The following FER variants were observed in gnomAD, a reference collection of about 807,000 sequenced individuals.
The protein encoded by FER is tyrosine-protein kinase Fer.
A neutral mutation model predicts 111.0 loss-of-function variants in FER; 63 were observed. That is an observed-to-expected ratio of 0.57 (90% CI 0.46 to 0.70). The LOEUF (loss-of-function observed/expected upper bound fraction) is 0.70. Among genes scored for constraint, FER ranks in the 30% least tolerant of loss-of-function variants. The pLI is 0.00. For synonymous variants in FER, 327 were observed against 313.9 expected, an observed-to-expected ratio of 1.04 and a Z score of -0.44; for missense variants, 914 against 954.0, an observed-to-expected ratio of 0.96 and a Z score of 0.55.
chr5:108,755,554 C>T (rs370018579), intron 1 of FER, among the ~76,000 whole-genome samples: 134 of 152,200 alleles, frequency 8.8e-4, no homozygotes, highest in Middle Eastern at 3.4e-3. Context: ...GGCACAATCT[C>T]GGCTCACCGC....
chr5:108,994,843 T>G lies in FER; in HGVS notation c.1656+35496T>G, dbSNP rs1193204020. On this transcript the variant is annotated intron_variant, in intron 13 of 19. Coordinates refer to ENST00000281092, the MANE Select transcript of FER (RefSeq NM_005246.4). ...TCCTTCACTTCCCTTGTTAGCTGTA[T>G]GCCTAGGTATTTTATTCTCTTTGTA... 2.0e-5 allele frequency among the ~76,000 whole-genome samples: 3 copies of G among 152,326 alleles called. No homozygotes were observed. The South Asian group carries it at 6.2e-4, about 32-fold the overall frequency.
At chr5:108,923,819 A>T (rs1224420246) in intron 10 of FER, among the ~76,000 whole-genome samples, 2 of 152,140 alleles carry the variant, frequency 1.3e-5, no homozygotes, top group Non-Finnish European at 2.9e-5. Context: ...CACATAATTT[A>T]TATTCTTTTC....
At chr5:108,920,240 T>TTC (rs1056996535) in intron 10 of FER, among the ~76,000 whole-genome samples, 7 of 152,282 alleles carry the variant, frequency 4.6e-5, no homozygotes, top group Admixed American at 3.9e-4. Flanking sequence ...TGTGAAGGCC[T>TTC]TCTTTTTTAA....
intron 17 of FER, among the ~76,000 whole-genome samples, chr5:109,117,486 A>G (rs948954450): frequency 6.6e-6 from 1 of 152,138 alleles, no homozygotes; most frequent in Non-Finnish European, 1.5e-5. Context: ...TAAGATTTGT[A>G]TGCCTAAATT....
intron 5 of FER, among the ~76,000 whole-genome samples, chr5:108,854,653 G>A (rs746296506): frequency 2.0e-5 from 3 of 152,104 alleles, no homozygotes; most frequent in East Asian, 1.9e-4. Flanking sequence ...AAAGTAGAGC[G>A]GGCTGGACGT....
chr5:108,843,584 C>T (rs960855453), intron 5 of FER, among the ~76,000 whole-genome samples: 1 of 147,508 alleles, frequency 6.8e-6, no homozygotes, highest in Non-Finnish European at 1.5e-5. Flanking sequence ...GGCTGGAGTG[C>T]AGTGGTGTGA....
intron 2 of FER, among the ~76,000 whole-genome samples, chr5:108,775,945 A>G (rs1580461402): frequency 6.6e-6 from 1 of 152,072 alleles, no homozygotes; most frequent in African/African-American, 2.4e-5. Context: ...CTTTGTTTCT[A>G]TCTTGCTGTG....
intron 10 of FER, among the ~76,000 whole-genome samples, chr5:108,937,399 G>A (rs891994200): frequency 1.1e-4 from 16 of 151,990 alleles, no homozygotes; most frequent in African/African-American, 3.1e-4. Flanking sequence ...TCACACGGAT[G>A]TTTCAACATT....
intron 13 of FER, among the ~76,000 whole-genome samples, chr5:109,027,481 G>GCATT (rs1768919876): frequency 6.6e-6 from 1 of 152,054 alleles, no homozygotes; most frequent in African/African-American, 2.4e-5. Flanking sequence ...CTTTTGGTGG[G>GCATT]CATTCTTCTT....
intron 3 of FER, among the ~76,000 whole-genome samples, chr5:108,800,482 C>G (rs1295593059): frequency 2.0e-5 from 3 of 152,056 alleles, no homozygotes; most frequent in Non-Finnish European, 2.9e-5. Flanking sequence ...TTCTAGGGAG[C>G]TGGGACTATA....
At chr5:109,100,292 G>A in intron 16 of FER, 104 bp from the exon 17 acceptor site, 1 of 1,380,230 alleles carries the variant, frequency 7.2e-7, no homozygotes, top group Non-Finnish European at 1.0e-6. Flanking sequence ...GGCCAAATGT[G>A]TAATGCATTT....
At chr5:109,008,377 A>T (rs535442434) in intron 13 of FER, among the ~76,000 whole-genome samples, 2 of 152,262 alleles carry the variant, frequency 1.3e-5, no homozygotes, top group East Asian at 3.9e-4. Flanking sequence ...TCAAGTTCTT[A>T]AACTGTCTGT....
chr5:109,029,864 T>G (rs1324765952), intron 13 of FER, among the ~76,000 whole-genome samples: 2 of 152,194 alleles, frequency 1.3e-5, no homozygotes, highest in Non-Finnish European at 2.9e-5. Context: ...ATTTGTGTCT[T>G]TCGCCAAATT....
At chr5:109,029,922 C>A (rs917059880) in intron 13 of FER, among the ~76,000 whole-genome samples, 14 of 152,136 alleles carry the variant, frequency 9.2e-5, no homozygotes, top group African/African-American at 3.1e-4. Flanking sequence ...CAGCCCTACT[C>A]TTTCTCCTCT....
At chr5:109,003,768 CT>C (rs1765136256) in intron 13 of FER, among the ~76,000 whole-genome samples, 1 of 151,962 alleles carries the variant, frequency 6.6e-6, no homozygotes, top group South Asian at 2.1e-4. Flanking sequence ...TTGCTTGGAC[CT>C]AGAATTTCAA....
At chr5:108,983,019 C>G (rs1395897514) in intron 13 of FER, among the ~76,000 whole-genome samples, 1 of 151,796 alleles carries the variant, frequency 6.6e-6, no homozygotes, top group Middle Eastern at 3.2e-3. Flanking sequence ...CACAGTAAAC[C>G]CCATGATGGC....
chr5:109,136,312 A>C (rs997973713), intron 17 of FER, among the ~76,000 whole-genome samples: 3 of 151,840 alleles, frequency 2.0e-5, no homozygotes, highest in African/African-American at 7.2e-5. Flanking sequence ...AATAAAAATA[A>C]AATAAAAACA....
At chr5:109,105,698 C>T (rs1416171936) in intron 17 of FER, among the ~76,000 whole-genome samples, 2 of 152,126 alleles carry the variant, frequency 1.3e-5, no homozygotes, top group South Asian at 2.1e-4. Flanking sequence ...TGACACATTT[C>T]CTGTAATTCC....
intron 1 of FER, among the ~76,000 whole-genome samples, chr5:108,753,441 C>G (rs1750722679): frequency 6.6e-6 from 1 of 151,986 alleles, no homozygotes; most frequent in Non-Finnish European, 1.5e-5. Context: ...ATTTTTAACT[C>G]CAAAATATCT....
Sources: allele counts gnomAD v4.1 joint callset (sites outside exome capture counted in the v4.1 genomes callset), GRCh38; gene constraint gnomAD v4.1.1; transcripts MANE v1.5; gene names NCBI Gene and HGNC (gene_info 2026-07-23, HGNC 2026-07-21).